The following PPP2R3B variants were observed in gnomAD, a reference collection of about 807,000 sequenced individuals.
The protein encoded by PPP2R3B is protein phosphatase 2 regulatory subunit B''beta.
In PPP2R3B, 68 loss-of-function variants were observed where a neutral mutation model predicts 72.9. The ratio of observed to expected loss-of-function variants is 0.93; its 90% CI spans 0.77 to 1.14. The LOEUF is 1.14. Among genes scored for constraint, PPP2R3B ranks in the 50% most tolerant of loss-of-function variants. PPP2R3B has a pLI of 0.00. For missense variants in PPP2R3B, 1,018 were observed against 842.0 expected (o/e 1.21, Z -2.59); for synonymous variants, 466 against 375.8 (o/e 1.24, Z -2.78).
At chrX:348,581 A>AAAAAAG (rs111787156) in intron 2 of PPP2R3B, among the ~76,000 whole-genome samples, 1 of 144,370 alleles carries the variant, frequency 6.9e-6, no homozygotes, top group Non-Finnish European at 1.5e-5. Flanking sequence ...GTCTCAAAAA[A>AAAAAAG]AGAGCAAATA....
Position 345,560 on chromosome X carries a change from TCG to T in PPP2R3B, c.990_991del (p.His330GlnfsTer14). 1.2e-6 allele frequency: 2 copies of T among 1,612,946 alleles called. No homozygotes were observed. The highest frequency in any genetic ancestry group is 3.3e-4 in the Middle Eastern group (2 of 6,056). On this transcript the variant is annotated frameshift_variant, in exon 7 of 13. Coordinates refer to ENST00000390665, the MANE Select transcript of PPP2R3B (RefSeq NM_013239.5). LOFTEE classifies it high-confidence loss of function. ...CAGGTCGTCCGCGTCGATGAGCAGG[TCG>T]TGGTCCGTGTCCAGCTCCCAGAACT...
At chrX:377,620 C>T (rs1385242609) in intron 1 of PPP2R3B, among the ~76,000 whole-genome samples, 2 of 136,754 alleles carry the variant, frequency 1.5e-5, no homozygotes, top group Non-Finnish European at 3.2e-5. Context: ...ACAGTGGGGC[C>T]GCCATGGGGC....
chrX:376,519 G>GAA (rs2071999284), intron 1 of PPP2R3B, among the ~76,000 whole-genome samples: 1 of 129,552 alleles, frequency 7.7e-6, no homozygotes. Flanking sequence ...ACTACTGTAT[G>GAA]CAGGGACGGG....
chrX:349,794 C>G (rs2071290785), intron 2 of PPP2R3B, among the ~76,000 whole-genome samples: 1 of 152,190 alleles, frequency 6.6e-6, no homozygotes, highest in Non-Finnish European at 1.5e-5. Flanking sequence ...ACAAAAATCA[C>G]ACACAGTGTC....
rs1428542685 is a variant in PPP2R3B at position 386,704 on chromosome X, GCCCGCGGCGCC to G, written c.-24_-14del. 2.5e-5 allele frequency: 32 copies of G among 1,258,940 alleles called. No homozygotes were observed. In the Admixed American group the frequency reaches 7.2e-4, roughly 28 times the overall value. The allele number at this position is 1,258,940 out of a possible 1,614,324, so 78.0% of individuals were successfully genotyped here. On this transcript the variant is annotated 5_prime_UTR_variant, in exon 1 of 13. Coordinates refer to ENST00000390665, the MANE Select transcript of PPP2R3B (RefSeq NM_013239.5). ...TGCCGGGCGGCATGGCGGGGGCTGG[GCCCGCGGCGCC>G]CCCGGACGCCCGCGCCCCGCCCCGC...
intron 2 of PPP2R3B, among the ~76,000 whole-genome samples, chrX:350,476 G>A (rs1235740869): frequency 2.0e-5 from 3 of 152,226 alleles, no homozygotes; most frequent in African/African-American, 4.8e-5. Flanking sequence ...TCTGCAAGGC[G>A]AGATTCTGAC....
rs781223397 is a variant in PPP2R3B, at chrX:338,568, GACCCGTCCCCCCACTC to G, written c.1577+20_1577+35del. The G allele has an allele frequency of 1.4e-5, 20 of 1,387,964 alleles. No individual in the cohort carries two copies. The highest frequency in any genetic ancestry group is 5.1e-5 in the South Asian group (4 of 78,792). The allele number at this position is 1,387,964 out of a possible 1,614,324, so 86.0% of individuals were successfully genotyped here. ...CTCCCCACTCACCCGTCCTCCCACT[GACCCGTCCCCCCACTC>G]ACCCGTCCTCCCCACTCACCCGTCC... On this transcript the variant is annotated intron_variant, in intron 12 of 12. Transcript: ENST00000390665.
At chrX:364,176 C>G (rs2071631173) in intron 1 of PPP2R3B, among the ~76,000 whole-genome samples, 1 of 152,244 alleles carries the variant, frequency 6.6e-6, no homozygotes, top group South Asian at 2.1e-4. Context: ...GGGAAGCTCC[C>G]AGAACGCGTC....
intron 7 of PPP2R3B, 113 bp from the exon 8 acceptor site, chrX:342,044 G>A (rs1365409355): frequency 2.9e-6 from 4 of 1,372,454 alleles, no homozygotes; most frequent in Non-Finnish European, 4.2e-6. Context: ...GAGGACGCCT[G>A]GGTCTGGGAG....
chrX:385,940 G>C (rs2072237987), intron 1 of PPP2R3B, among the ~76,000 whole-genome samples: 1 of 152,126 alleles, frequency 6.6e-6, no homozygotes, highest in African/African-American at 2.4e-5. Flanking sequence ...CATCAGCCAG[G>C]CGTGGTGGCA....
In PPP2R3B at chrX:338,661, G is replaced by C. The variant is rs761721538; in HGVS notation, c.1520C>G (p.Ala507Gly). ...PELSDWEKYA[A>G]EEYDILVAEE... ...GGCCACCAGGATGTCGTACTCCTCG[G>C]CCGCGTACTTCTCCCAGTCCGAGAG... The change falls in exon 12 of 13, where the codon GCC (alanine) becomes GGC (glycine). Residue 507 changes from alanine (A) to glycine (G), a missense_variant. Physicochemically the swap from Ala to Gly is moderately conservative, Grantham distance 60. Transcript: ENST00000390665. 5.6e-6 allele frequency: 9 copies of C among 1,611,264 alleles called. No individual in the cohort carries two copies. In the South Asian group the frequency reaches 8.8e-5, roughly 16 times the overall value.
chrX:385,320 C>CTTTT (rs1178231888), intron 1 of PPP2R3B, among the ~76,000 whole-genome samples: 5 of 75,658 alleles, frequency 6.6e-5, no homozygotes, highest in East Asian at 4.2e-4. Context: ...TTTTAGTTTT[C>CTTTT]TTTTTTTTTT....
intron 1 of PPP2R3B, among the ~76,000 whole-genome samples, chrX:381,701 C>T (rs1313386795): frequency 1.3e-5 from 2 of 149,630 alleles, no homozygotes; most frequent in Admixed American, 6.7e-5. Context: ...CAGGTTCATG[C>T]CATTCTCCTG....
chrX:357,130 A>T (rs1203275148), intron 2 of PPP2R3B, among the ~76,000 whole-genome samples: 1 of 152,216 alleles, frequency 6.6e-6, no homozygotes, highest in African/African-American at 2.4e-5. Context: ...AAATTCTAAG[A>T]GAGGCAAAGC....
chrX:346,786 G>A lies in PPP2R3B; in HGVS notation c.718-11C>T. On this transcript the variant is annotated splice_polypyrimidine_tract_variant and intron_variant, in intron 4 of 12. Transcript: ENST00000390665. ...CGTGTTCACCACGTCCTGCGGGTGG[G>A]AAGACACGAGGCGCGTGGTGTAGAC... The A allele has an allele frequency of 2.5e-6, 4 of 1,607,616 alleles. No individual in the cohort carries two copies. Among genetic ancestry groups the A allele is most frequent in the Non-Finnish European group, 3.4e-6 (4 of 1,177,120 alleles).
intron 1 of PPP2R3B, among the ~76,000 whole-genome samples, chrX:366,943 G>A (rs1449690071): frequency 4.7e-4 from 71 of 151,830 alleles, no homozygotes; most frequent in Admixed American, 7.2e-4. Context: ...CAGGAGAATC[G>A]CTTAAACCCG....
At chrX:360,525 CTT>C (rs985009751) in intron 2 of PPP2R3B, among the ~76,000 whole-genome samples, 38 of 152,194 alleles carry the variant, frequency 2.5e-4, no homozygotes, top group Non-Finnish European at 5.1e-4. Context: ...CAGAGCAAGA[CTT>C]TGTCTCAAAC....
chrX:345,699 C>A (rs200082115), intron 6 of PPP2R3B, 27 bp from the exon 7 acceptor site: 1 of 1,528,260 alleles, frequency 6.5e-7, no homozygotes, highest in Non-Finnish European at 8.9e-7. Context: ...GCGGCCTGAG[C>A]GCGGGGCCTC....
intron 12 of PPP2R3B, chrX:337,788 C>G (rs904267209): frequency 1.3e-5 from 2 of 152,384 alleles, no homozygotes; most frequent in African/African-American, 2.4e-5. Flanking sequence ...GCACACGGCA[C>G]AGTCACGACG....
Sources: gnomAD v4.1 joint callset for allele counts (sites outside exome capture counted in the v4.1 genomes callset) on GRCh38, gnomAD v4.1.1 for gene constraint, MANE v1.5 for transcripts, NCBI Gene and HGNC (gene_info 2026-07-23, HGNC 2026-07-21) for gene names.